The following CDH13 variants were observed in gnomAD, a reference collection of about 807,000 sequenced individuals.
CDH13 encodes cadherin 13.
CDH13 carries 24 observed loss-of-function variants against 63.8 expected under a neutral mutation model. That is an observed-to-expected ratio of 0.38 (90% CI 0.27 to 0.53). CDH13 has a LOEUF of 0.53. Ranked by LOEUF, CDH13 falls within the 20% of genes least tolerant of loss-of-function variation. The pLI, the probability that CDH13 is intolerant of heterozygous loss-of-function variation, is 0.85. For synonymous variants in CDH13, 503 were observed against 355.3 expected (o/e 1.42, Z -4.67); for missense variants, 1,049 against 903.1 (o/e 1.16, Z -2.07).
chr16:82,887,116 A>G (rs1000990263), intron 2 of CDH13, among the ~76,000 whole-genome samples: 4 of 152,150 alleles, frequency 2.6e-5, no homozygotes, highest in Admixed American at 6.5e-5. Context: ...TCTTTAATAT[A>G]GGGAGGAAAC....
chr16:83,739,596 G>A (rs1911871174), intron 10 of CDH13, among the ~76,000 whole-genome samples: 1 of 152,186 alleles, frequency 6.6e-6, no homozygotes, highest in African/African-American at 2.4e-5. Context: ...TTGACAGCAT[G>A]TATCAGATCC....
Position 82,654,653 on chromosome 16 carries a change from G to C in CDH13, c.45+27516G>C, listed in dbSNP as rs146368563. On this transcript the variant is annotated intron_variant, in intron 1 of 13. Transcript: ENST00000567109. Reference sequence around the variant, plus strand: ...AAAATGTTTGACAACTTTTATTTGGGGGCAGACATCCTTAGGGGATGGGGC... The same window carrying C: ...AAAATGTTTGACAACTTTTATTTGGCGGCAGACATCCTTAGGGGATGGGGC... Among the ~76,000 whole-genome samples, 102 of 152,168 alleles carry C rather than the reference G, an allele frequency of 6.7e-4. No homozygotes were observed. The Middle Eastern group carries it at 0.017, about 26-fold the overall frequency.
intron 2 of CDH13, among the ~76,000 whole-genome samples, chr16:82,880,970 T>C (rs973518400): frequency 6.6e-6 from 1 of 152,226 alleles, no homozygotes; most frequent in Non-Finnish European, 1.5e-5. Context: ...TTTAAAGCCT[T>C]TAGACATTAC....
chr16:83,522,380 T>C (rs1180604227), intron 7 of CDH13, among the ~76,000 whole-genome samples: 1 of 152,154 alleles, frequency 6.6e-6, no homozygotes, highest in Non-Finnish European at 1.5e-5. Context: ...TTAACATGAG[T>C]ATATGAGGTA....
intron 3 of CDH13, among the ~76,000 whole-genome samples, chr16:83,091,270 GAA>G (rs539644774): frequency 9.8e-5 from 14 of 143,148 alleles, no homozygotes; most frequent in African/African-American, 3.6e-4. Context: ...TCTGCTATCA[GAA>G]AAAAAAAAAT....
Position 82,900,165 on chromosome 16 carries a change from G to C in CDH13, c.157+41692G>C, listed in dbSNP as rs888065927. On this transcript the variant is annotated intron_variant, in intron 2 of 13. Coordinates refer to ENST00000567109, the MANE Select transcript of CDH13 (RefSeq NM_001257.5). ...CCTCTGCCAAGAGTGATTCTTGCTG[G>C]GCCCCTTTTAGATCACATCTTTATT... 2.0e-5 allele frequency among the ~76,000 whole-genome samples: 3 copies of C among 152,200 alleles called. No individual in the cohort carries two copies. The South Asian group carries it at 6.2e-4, about 32-fold the overall frequency.
intron 2 of CDH13, among the ~76,000 whole-genome samples, chr16:82,973,599 G>A (rs1273271147): frequency 6.6e-6 from 1 of 152,210 alleles, no homozygotes; most frequent in Non-Finnish European, 1.5e-5. Flanking sequence ...ACAAGACAGT[G>A]TGCAAGAATC....
chr16:83,064,120 C>G (rs569061935), intron 3 of CDH13, among the ~76,000 whole-genome samples: 2 of 152,220 alleles, frequency 1.3e-5, no homozygotes, highest in South Asian at 4.1e-4. Flanking sequence ...CCTGTAATCC[C>G]AGCACTTTGG....
At chr16:83,297,079 TG>T (rs899906936) in intron 5 of CDH13, among the ~76,000 whole-genome samples, 1 of 152,078 alleles carries the variant, frequency 6.6e-6, no homozygotes, top group African/African-American at 2.4e-5. Flanking sequence ...TTAATAAGCA[TG>T]GGGGGAGAAG....
intron 10 of CDH13, among the ~76,000 whole-genome samples, chr16:83,694,787 C>G (rs1040170223): frequency 6.6e-6 from 1 of 152,194 alleles, no homozygotes; most frequent in Non-Finnish European, 1.5e-5. Flanking sequence ...GCCCCAATAC[C>G]TCCCTTTGGG....
Position 83,270,038 on chromosome 16 carries a change from C to A in CDH13, c.636+52541C>A, listed in dbSNP as rs117581994. ...GATCTTCTGCAACATTTTCATTAAT[C>A]TCTTTATTAAATGTAACTGGTTTCT... is the stretch of plus-strand genomic sequence containing the variant. On this transcript the variant is annotated intron_variant, in intron 5 of 13. Transcript: ENST00000567109. Among the ~76,000 whole-genome samples, 1,499 of 152,280 alleles carry A rather than the reference C, an allele frequency of 9.8e-3. 17 individuals are homozygous for A. The highest frequency in any genetic ancestry group is 0.036 in the South Asian group (174 of 4,822).
intron 7 of CDH13, among the ~76,000 whole-genome samples, chr16:83,553,144 C>A (rs969312441): frequency 6.6e-6 from 1 of 151,796 alleles, no homozygotes; most frequent in Admixed American, 6.6e-5. Flanking sequence ...TTTATTACAG[C>A]TGTTCAATGT....
chr16:83,046,888 C>T (rs1243620542), intron 3 of CDH13, among the ~76,000 whole-genome samples: 1 of 152,136 alleles, frequency 6.6e-6, no homozygotes, highest in Admixed American at 6.6e-5. Context: ...TTCTGCCAAT[C>T]AGAGAAGACT....
intron 6 of CDH13, among the ~76,000 whole-genome samples, chr16:83,419,565 A>G (rs545882891): frequency 6.6e-6 from 1 of 152,312 alleles, no homozygotes; most frequent in South Asian, 2.1e-4. Flanking sequence ...ACCAGTAGTA[A>G]TACCTGACAT....
intron 3 of CDH13, among the ~76,000 whole-genome samples, chr16:83,058,150 T>C (rs932206559): frequency 2.6e-5 from 4 of 152,208 alleles, no homozygotes; most frequent in African/African-American, 9.6e-5. Flanking sequence ...TTGTTGAACT[T>C]CATGAGTTAC....
intron 1 of CDH13, chr16:82,727,837 C>A (rs904241423): frequency 5.3e-5 from 8 of 152,200 alleles, no homozygotes; most frequent in African/African-American, 1.9e-4. Context: ...AGCAGACCCA[C>A]TCCACCCATC....
At chr16:83,557,401 G>A (rs551151271) in intron 7 of CDH13, among the ~76,000 whole-genome samples, 6 of 152,262 alleles carry the variant, frequency 3.9e-5, no homozygotes, top group South Asian at 4.2e-4. Context: ...ACTCTGGTCC[G>A]TGGAAAAATT....
At chr16:82,970,854 A>G (rs1489815520) in intron 2 of CDH13, among the ~76,000 whole-genome samples, 3 of 152,198 alleles carry the variant, frequency 2.0e-5, no homozygotes, top group Non-Finnish European at 4.4e-5. Context: ...TTGAAATTTT[A>G]TTAAAATTAT....
chr16:83,008,467 G>C (rs149985966), intron 2 of CDH13, among the ~76,000 whole-genome samples: 1 of 152,208 alleles, frequency 6.6e-6, no homozygotes, highest in African/African-American at 2.4e-5. Context: ...GAGACCAGTG[G>C]GGCCGAGTGA....
Sources: allele counts gnomAD v4.1 joint callset (sites outside exome capture counted in the v4.1 genomes callset), GRCh38; gene constraint gnomAD v4.1.1; transcripts MANE v1.5; gene names NCBI Gene and HGNC (gene_info 2026-07-23, HGNC 2026-07-21).